The following ARFIP1 variants were observed in gnomAD, a reference collection of about 807,000 sequenced individuals.
ARFIP1 encodes arfaptin-1.
Under a neutral mutation model 42.5 loss-of-function variants are expected in ARFIP1, and 24 were observed. The observed-to-expected ratio is 0.57, with a 90% CI of 0.41 to 0.80. ARFIP1 has a LOEUF of 0.80. Ranked by LOEUF, ARFIP1 falls within the 30% of genes least tolerant of loss-of-function variation. The pLI, the probability that ARFIP1 is intolerant of heterozygous loss-of-function variation, is 0.00. For synonymous variants in ARFIP1, 141 were observed against 153.7 expected (o/e 0.92, Z 0.61); for missense variants, 354 against 434.0 (o/e 0.82, Z 1.64).
intron 1 of ARFIP1, among the ~76,000 whole-genome samples, chr4:152,780,555 G>A (rs1730426847): frequency 6.6e-6 from 1 of 152,192 alleles, no homozygotes; most frequent in Non-Finnish European, 1.5e-5. Flanking sequence ...AAGTGTCGGA[G>A]TGGGCCACCT....
At chr4:152,806,051 A>T (rs990571634) in intron 1 of ARFIP1, among the ~76,000 whole-genome samples, 2 of 152,240 alleles carry the variant, frequency 1.3e-5, no homozygotes, top group African/African-American at 4.8e-5. Context: ...CAAACCAGTT[A>T]TGCCTGTATT....
intron 1 of ARFIP1, among the ~76,000 whole-genome samples, chr4:152,829,171 C>T (rs1205435323): frequency 6.6e-6 from 1 of 152,180 alleles, no homozygotes; most frequent in Non-Finnish European, 1.5e-5. Context: ...ATTTTGATAA[C>T]ACTTGTCAAC....
chr4:152,798,312 G>C (rs1466331938), intron 1 of ARFIP1, among the ~76,000 whole-genome samples: 2 of 152,162 alleles, frequency 1.3e-5, no homozygotes, highest in Non-Finnish European at 2.9e-5. Context: ...CCTTTTTCCT[G>C]ATCTTAGTGG....
At chr4:152,804,423 T>A (rs1435654936) in intron 1 of ARFIP1, among the ~76,000 whole-genome samples, 1 of 106,066 alleles carries the variant, frequency 9.4e-6, no homozygotes. Context: ...TATTATATAT[T>A]ATATATAATA....
intron 2 of ARFIP1, among the ~76,000 whole-genome samples, chr4:152,848,510 A>G (rs1029837257): frequency 2.0e-5 from 3 of 152,120 alleles, no homozygotes; most frequent in Non-Finnish European, 4.4e-5. Context: ...ATTTTTAATG[A>G]TTTTGTTGAG....
chr4:152,898,763 C>T (rs1737570198), intron 8 of ARFIP1, among the ~76,000 whole-genome samples: 1 of 152,152 alleles, frequency 6.6e-6, no homozygotes, highest in South Asian at 2.1e-4. Flanking sequence ...GTAACATGTG[C>T]ATAGGCAGGA....
intron 5 of ARFIP1, among the ~76,000 whole-genome samples, chr4:152,876,383 G>A (rs1578988399): frequency 6.6e-6 from 1 of 152,190 alleles, no homozygotes; most frequent in Non-Finnish European, 1.5e-5. Context: ...GAGACTGGCG[G>A]CATTTTGCCC....
intron 8 of ARFIP1, among the ~76,000 whole-genome samples, chr4:152,899,981 T>C (rs746549749): frequency 6.6e-6 from 1 of 152,178 alleles, no homozygotes; most frequent in Non-Finnish European, 1.5e-5. Flanking sequence ...ACAGCCCTGC[T>C]TTTAGTTAAG....
Position 152,827,096 on chromosome 4 carries a change from A to C in ARFIP1, c.-9-2529A>C, listed in dbSNP as rs569463724. The stretch of plus-strand genomic sequence containing the variant: ...TGAAAAAGTTTTGGAGATTGATTGC[A>C]TAACAATGTGAATATACTTAACAGT... On this transcript the variant is annotated intron_variant, in intron 1 of 8. Transcript: ENST00000353617. 1.3e-4 allele frequency among the ~76,000 whole-genome samples: 20 copies of C among 152,342 alleles called. 1 individual carries two copies. The highest frequency in any genetic ancestry group is 1.2e-3 in the Admixed American group (18 of 15,306).
intron 8 of ARFIP1, among the ~76,000 whole-genome samples, chr4:152,904,168 ATGTGTG>A (rs35408103): frequency 0.14 from 18,621 of 132,366 alleles, 1,442 homozygotes; most frequent in Middle Eastern, 0.2. Context: ...CTATATATAT[ATGTGTG>A]TGTGTGTATA....
intron 5 of ARFIP1, among the ~76,000 whole-genome samples, chr4:152,880,080 G>T (rs1268241319): frequency 2.0e-5 from 3 of 152,076 alleles, no homozygotes; most frequent in Non-Finnish European, 4.4e-5. Context: ...AACGGCTCAC[G>T]CCTGTAATCC....
intron 2 of ARFIP1, among the ~76,000 whole-genome samples, chr4:152,857,876 C>G (rs113764003): frequency 6.6e-6 from 1 of 152,208 alleles, no homozygotes. Context: ...GTCCCCACCC[C>G]CCAGAACATC....
At chr4:152,814,250 C>G (rs1433257332) in intron 1 of ARFIP1, among the ~76,000 whole-genome samples, 1 of 152,002 alleles carries the variant, frequency 6.6e-6, no homozygotes, top group Non-Finnish European at 1.5e-5. Flanking sequence ...ACCACCATGC[C>G]TAGCTAATGT....
At chr4:152,873,557 T>TA (rs1735068385) in intron 5 of ARFIP1, among the ~76,000 whole-genome samples, 1 of 152,218 alleles carries the variant, frequency 6.6e-6, no homozygotes, top group African/African-American at 2.4e-5. Flanking sequence ...TTGCTTAAAC[T>TA]AAACTCTTCT....
At chr4:152,807,134 T>A (rs942336592) in intron 1 of ARFIP1, 11 of 152,318 alleles carry the variant, frequency 7.2e-5, no homozygotes, top group African/African-American at 2.6e-4. Context: ...CTGAGGAATA[T>A]TTCATTGTAT....
intron 2 of ARFIP1, among the ~76,000 whole-genome samples, chr4:152,834,344 A>G (rs748942654): frequency 1.2e-4 from 18 of 152,158 alleles, no homozygotes; most frequent in Admixed American, 2.6e-4. Context: ...GTAGTTTCCT[A>G]AAGTCTTAAC....
rs112665445 is a variant in ARFIP1 at position 152,821,986 on chromosome 4, A to T, written c.-9-7639A>T. Among the ~76,000 whole-genome samples, 351 of 152,350 alleles carry T rather than the reference A, an allele frequency of 2.3e-3. 3 individuals carry two copies. The highest frequency in any genetic ancestry group is 3.9e-3 in the Non-Finnish European group (263 of 68,022). ...AAGGAGTTCTAAATCTTGAAACAAAAGGTTGATACATATCAGAATAGAAAT... is the reference window on the plus strand; with the variant it reads ...AAGGAGTTCTAAATCTTGAAACAAATGGTTGATACATATCAGAATAGAAAT... On this transcript the variant is annotated intron_variant, in intron 1 of 8. Transcript: ENST00000353617.
chr4:152,867,988 C>A (rs1734548276), intron 3 of ARFIP1, among the ~76,000 whole-genome samples: 1 of 152,138 alleles, frequency 6.6e-6, no homozygotes, highest in African/African-American at 2.4e-5. Flanking sequence ...TGGTTACAAT[C>A]TGGAAAATAG....
intron 1 of ARFIP1, among the ~76,000 whole-genome samples, chr4:152,789,779 T>C (rs1440084788): frequency 6.6e-6 from 1 of 152,198 alleles, no homozygotes; most frequent in Non-Finnish European, 1.5e-5. Context: ...TTTTAGTTGG[T>C]TCCTGTATTC....
Sources: allele counts gnomAD v4.1 joint callset (sites outside exome capture counted in the v4.1 genomes callset), GRCh38; gene constraint gnomAD v4.1.1; transcripts MANE v1.5; gene names NCBI Gene and HGNC (gene_info 2026-07-23, HGNC 2026-07-21).